The following CA5A variants were observed in gnomAD, a reference collection of about 807,000 sequenced individuals.
CA5A encodes carbonic anhydrase 5A, mitochondrial.
In CA5A, 28 loss-of-function variants were observed where a neutral mutation model predicts 37.1. The observed-to-expected ratio is 0.75, with a 90% CI of 0.56 to 1.03. CA5A has a LOEUF of 1.03. CA5A is among the 50% of genes least tolerant of loss of function. The pLI is 0.00. For missense variants in CA5A, 444 were observed against 399.9 expected (o/e 1.11, Z -0.94); for synonymous variants, 171 against 158.4 (o/e 1.08, Z -0.60).
intron 2 of CA5A, among the ~76,000 whole-genome samples, chr16:87,918,290 G>A (rs113469248): frequency 5.6e-4 from 86 of 152,320 alleles, no homozygotes; most frequent in African/African-American, 1.9e-3. Context: ...AGCTGTCTGT[G>A]GGGGGCACTC....
In CA5A at chr16:87,911,055, G is replaced by T. The variant is rs1286476636; in HGVS notation, c.341-6151C>A. Among the ~76,000 whole-genome samples, 2 of 142,760 alleles carry T rather than the reference G, an allele frequency of 1.4e-5. No individual in the cohort carries two copies. The highest frequency in any genetic ancestry group is 4.1e-4 in the East Asian group (2 of 4,834). 93.7% of individuals were successfully genotyped at this position (142,760 alleles called of 152,430 possible). On this transcript the variant is annotated intron_variant, in intron 2 of 6. Coordinates refer to ENST00000649794, the MANE Select transcript of CA5A (RefSeq NM_001739.2). This position sits in a 1 kb window ranked among gnomAD's most constrained non-coding sequence, Gnocchi z 4.6. The stretch of plus-strand genomic sequence containing the variant: ...TGAGCCACTGTGCCCAGCCTAAAGT[G>T]ACTTTTCATAATGACAATACAATGT...
At chr16:87,907,188 A>G (rs1001515124) in intron 2 of CA5A, among the ~76,000 whole-genome samples, 1 of 152,154 alleles carries the variant, frequency 6.6e-6, no homozygotes, top group Non-Finnish European at 1.5e-5. Context: ...AATGCACTTC[A>G]GCCTGGGCGA....
At chr16:87,926,371 G>A (rs1183845959) in intron 2 of CA5A, among the ~76,000 whole-genome samples, 1 of 152,142 alleles carries the variant, frequency 6.6e-6, no homozygotes. Flanking sequence ...GGCCAGCGTG[G>A]GCGTCCAGCC....
chr16:87,926,016 G>A (rs1229231095), intron 2 of CA5A, among the ~76,000 whole-genome samples: 3 of 152,122 alleles, frequency 2.0e-5, no homozygotes, highest in Non-Finnish European at 4.4e-5. Context: ...TGATGTCAGG[G>A]GTTCGAGAGC....
At chr16:87,934,160 C>T (rs1207504638) in intron 1 of CA5A, among the ~76,000 whole-genome samples, 2 of 152,262 alleles carry the variant, frequency 1.3e-5, no homozygotes, top group Admixed American at 6.5e-5. Context: ...TGTGCTGTCC[C>T]CAGCCTTTGC....
chr16:87,933,532 T>C (rs1301697351), intron 1 of CA5A, among the ~76,000 whole-genome samples: 1 of 151,954 alleles, frequency 6.6e-6, no homozygotes, highest in Non-Finnish European at 1.5e-5. Context: ...TGTGCCACCA[T>C]GTCCAGTTAA....
chr16:87,901,775 C>CG (rs1567519962), intron 5 of CA5A, 137 bp downstream of exon 5: 1 of 584,092 alleles, frequency 1.7e-6, no homozygotes, highest in African/African-American at 1.9e-5. Context: ...TTAGTGGAGA[C>CG]GGGGTTTCTC....
At chr16:87,915,999 A>AG (rs1229743854) in intron 2 of CA5A, among the ~76,000 whole-genome samples, 5 of 151,926 alleles carry the variant, frequency 3.3e-5, no homozygotes, top group Non-Finnish European at 5.9e-5. Flanking sequence ...AGAAGGCGAA[A>AG]GGCAGGTCTT....
intron 2 of CA5A, among the ~76,000 whole-genome samples, chr16:87,925,196 G>A (rs1223300061): frequency 2.6e-5 from 4 of 152,142 alleles, no homozygotes; most frequent in African/African-American, 9.7e-5. Context: ...CTGCTTTGGG[G>A]CCCCCAGGTT....
chr16:87,922,260 G>T (rs1303719977), intron 2 of CA5A, among the ~76,000 whole-genome samples: 1 of 152,138 alleles, frequency 6.6e-6, no homozygotes. Flanking sequence ...CTAGGACCAG[G>T]TGCGGTGGGG....
At position 87,936,358 on chromosome 16, in the gene CA5A, C is replaced by G. The variant is rs773055410; in HGVS notation, c.93G>C (p.Gly31=). The G allele has an allele frequency of 6.2e-7, 1 of 1,614,036 alleles. No homozygotes were observed. The highest frequency in any genetic ancestry group is 1.1e-5 in the South Asian group (1 of 91,078). ...CACAGGAACGCTGAGAACACCATCG[C>G]CCTGGCCTCATCGAACGACTCCAGA... is the stretch of plus-strand genomic sequence containing the variant. ...APLWSRSMRP[G]RWCSQRSCAW... The change falls in exon 1 of 7, where the codon GGG becomes GGC. Residue 31 remains glycine (G), a synonymous_variant. Transcript: ENST00000649794.
chr16:87,928,364 A>G (rs112189879), intron 1 of CA5A, among the ~76,000 whole-genome samples: 5,432 of 152,080 alleles, frequency 0.036, 346 homozygotes, highest in African/African-American at 0.12. Context: ...AGGTTTCACT[A>G]TGTTGCCCAG....
intron 5 of CA5A, among the ~76,000 whole-genome samples, chr16:87,898,988 G>C (rs993120774): frequency 2.1e-4 from 32 of 152,100 alleles, no homozygotes; most frequent in Admixed American, 5.9e-4. Flanking sequence ...ATTCACCTCA[G>C]TCTCCCTAAG....
intron 1 of CA5A, among the ~76,000 whole-genome samples, chr16:87,928,502 C>T (rs909029076): frequency 8.6e-5 from 13 of 152,040 alleles, no homozygotes; most frequent in Non-Finnish European, 1.0e-4. Flanking sequence ...TTTTAATGAA[C>T]AAGGATTTTA....
At chr16:87,903,960 A>G (rs949689003) in intron 3 of CA5A, among the ~76,000 whole-genome samples, 23 of 152,212 alleles carry the variant, frequency 1.5e-4, no homozygotes, top group African/African-American at 5.1e-4. Context: ...ATCACCCCAA[A>G]AAAACTACAA....
Position 87,911,331 on chromosome 16 carries a change from T to C in CA5A, c.341-6427A>G, listed in dbSNP as rs2056049433. Among the ~76,000 whole-genome samples, 1 of 152,152 alleles carries C rather than the reference T, an allele frequency of 6.6e-6. No homozygotes were observed. Among genetic ancestry groups the C allele is most frequent in the Non-Finnish European group, 1.5e-5 (1 of 68,024 alleles). On this transcript the variant is annotated intron_variant, in intron 2 of 6. Coordinates refer to ENST00000649794, the MANE Select transcript of CA5A (RefSeq NM_001739.2). The surrounding 1 kb of genome is among the most constrained non-coding windows in gnomAD (Gnocchi z 4.6). ...CTCCAAACATAATAACAGATGACGTTTGGGGCCGGCTCCAGGCTGTGACGT... is the reference window on the plus strand; with the variant it reads ...CTCCAAACATAATAACAGATGACGTCTGGGGCCGGCTCCAGGCTGTGACGT...
chr16:87,883,470 A>T (rs1245316026), downstream of CA5A: 1 of 150,878 alleles, frequency 6.6e-6, no homozygotes, highest in African/African-American at 2.5e-5. Flanking sequence ...CGCTGGGACT[A>T]CAGGTACACA....
At chr16:87,926,709 G>C (rs369044977) in intron 2 of CA5A, 39 bp downstream of exon 2, 2 of 1,527,364 alleles carry the variant, frequency 1.3e-6, no homozygotes, top group Admixed American at 1.7e-5. Context: ...CCAGAACAAC[G>C]GGAGAGGACA....
intron 2 of CA5A, among the ~76,000 whole-genome samples, chr16:87,908,614 C>A (rs894129048): frequency 2.6e-5 from 4 of 152,174 alleles, no homozygotes; most frequent in African/African-American, 9.7e-5. Flanking sequence ...AGACTGTGGC[C>A]AACCAACAAG....
Sources: allele counts gnomAD v4.1 joint callset (sites outside exome capture counted in the v4.1 genomes callset), GRCh38; gene constraint gnomAD v4.1.1; non-coding constraint Gnocchi (gnomAD v3.1); transcripts MANE v1.5; gene names NCBI Gene and HGNC (gene_info 2026-07-23, HGNC 2026-07-21).